FAM13C: variants seen among roughly 807,000 people sequenced by gnomAD.
FAM13C encodes the protein protein FAM13C.
FAM13C carries 37 observed loss-of-function variants against 73.2 expected under a neutral mutation model. The ratio of observed to expected loss-of-function variants is 0.51; its 90% confidence interval spans 0.39 to 0.67. The LOEUF (loss-of-function observed/expected upper bound fraction) is 0.67. Ranked by LOEUF, FAM13C falls within the 30% of genes least tolerant of loss-of-function variation. The pLI, the probability that FAM13C is intolerant of heterozygous loss-of-function variation, is 0.00. For missense variants in FAM13C, 589 were observed against 715.6 expected, an observed-to-expected ratio of 0.82 and a Z score of 2.02; for synonymous variants, 246 against 260.9, an observed-to-expected ratio of 0.94 and a Z score of 0.55.
intron 4 of FAM13C, among the ~76,000 whole-genome samples, chr10:59,318,523 C>T (rs1220885336): frequency 1.3e-5 from 2 of 152,224 alleles, no homozygotes; most frequent in East Asian, 3.9e-4. Context: ...AATCATTTGA[C>T]CCAAATTCCT....
chr10:59,269,575 A>G lies in FAM13C; in HGVS notation c.803+324T>C, dbSNP rs534153035. On this transcript the variant is annotated intron_variant, in intron 7 of 13. Transcript: ENST00000618804. ...GATGCTACCACTGGACATGGAAAGA[A>G]TATTGAGTTCATCAAGAATGATATG... 2.6e-5 allele frequency among the ~76,000 whole-genome samples: 4 copies of G among 152,316 alleles called. No individual in the cohort carries two copies. The South Asian group carries it at 8.3e-4, about 32-fold the overall frequency.
rs1359943253 is a variant in FAM13C at position 59,315,552 on chromosome 10, T to C, written c.443+8436A>G. Reference sequence around the variant, plus strand: ...TATTACAGAAGCTGGAGTTGTCTACTGGCATTCTGTGGGCTAGAGCCAAAG... The same window carrying C: ...TATTACAGAAGCTGGAGTTGTCTACCGGCATTCTGTGGGCTAGAGCCAAAG... On this transcript the variant is annotated intron_variant, in intron 4 of 13. Transcript: ENST00000618804. Among the ~76,000 whole-genome samples the C allele has an allele frequency of 2.6e-5, 4 of 152,172 alleles. No homozygotes were observed. The East Asian group carries it at 7.7e-4, about 29-fold the overall frequency.
At chr10:59,350,329 T>G (rs1299864765) in intron 3 of FAM13C, among the ~76,000 whole-genome samples, 1 of 152,176 alleles carries the variant, frequency 6.6e-6, no homozygotes, top group African/African-American at 2.4e-5. Flanking sequence ...AACTGTGTAA[T>G]TTCTGTGAGG....
At chr10:59,250,079 T>C (rs1841220755) in intron 13 of FAM13C, among the ~76,000 whole-genome samples, 1 of 152,196 alleles carries the variant, frequency 6.6e-6, no homozygotes, top group South Asian at 2.1e-4. Flanking sequence ...TTCTCATATG[T>C]AATGACTGTT....
In FAM13C at chr10:59,352,463, T is replaced by C. The variant is rs752579287; in HGVS notation, c.131A>G (p.Asn44Ser). 3.2e-5 allele frequency: 52 copies of C among 1,607,892 alleles called. No homozygotes were observed. Among genetic ancestry groups the C allele is most frequent in the Non-Finnish European group, 4.2e-5 (50 of 1,177,590 alleles). ...TDCSSLRDEN[N>S]KENYPDAGAL... ...CCCTGCGTCGGGGTAGTTCTCTTTA[T>C]TGTTTTCATCTCTAAAACAGGAAAG... The change falls in exon 3 of 14, where the codon AAT becomes AGT. Residue 44 changes from asparagine (N) to serine (S), a missense_variant. Coordinates refer to ENST00000618804, the MANE Select transcript of FAM13C (RefSeq NM_198215.4).
chr10:59,307,987 T>G (rs1848454578), intron 4 of FAM13C, among the ~76,000 whole-genome samples: 1 of 152,176 alleles, frequency 6.6e-6, no homozygotes, highest in Non-Finnish European at 1.5e-5. Context: ...TTAAGATCCT[T>G]AACGATACTG....
intron 13 of FAM13C, 76 bp downstream of exon 13, chr10:59,251,499 C>CA: frequency 7.6e-7 from 1 of 1,314,524 alleles, no homozygotes; most frequent in Non-Finnish European, 1.1e-6. Flanking sequence ...ACCGTTCCTG[C>CA]AAAAAATTGC....
chr10:59,333,944 G>A (rs1852368477), intron 3 of FAM13C, among the ~76,000 whole-genome samples: 1 of 152,156 alleles, frequency 6.6e-6, no homozygotes, highest in Admixed American at 6.5e-5. Flanking sequence ...CAACTGTTCT[G>A]ACAAAATGTG....
chr10:59,280,573 G>A (rs934828625), intron 6 of FAM13C, among the ~76,000 whole-genome samples: 2 of 152,170 alleles, frequency 1.3e-5, no homozygotes, highest in Non-Finnish European at 2.9e-5. Context: ...ATTCAGGAGG[G>A]TTTATGAAAC....
intron 4 of FAM13C, among the ~76,000 whole-genome samples, chr10:59,305,796 C>T (rs1848184034): frequency 6.6e-6 from 1 of 152,232 alleles, no homozygotes; most frequent in African/African-American, 2.4e-5. Flanking sequence ...CTCCCAACCA[C>T]AAGCTCAGGC....
intron 6 of FAM13C, among the ~76,000 whole-genome samples, chr10:59,274,793 C>T (rs529895368): frequency 6.6e-6 from 1 of 152,330 alleles, no homozygotes; most frequent in Non-Finnish European, 1.5e-5. Flanking sequence ...ATCTTTTACT[C>T]TCCCTATGTC....
intron 1 of FAM13C, chr10:59,361,167 G>A: frequency 5.2e-6 from 6 of 1,153,322 alleles, no homozygotes; most frequent in African/African-American, 1.6e-5. Context: ...AACAGAATGT[G>A]GGTCCAAATG....
intron 4 of FAM13C, among the ~76,000 whole-genome samples, chr10:59,310,452 T>C (rs1221902673): frequency 6.6e-6 from 1 of 152,096 alleles, no homozygotes; most frequent in Non-Finnish European, 1.5e-5. Flanking sequence ...TACCAGTAAA[T>C]AGAAAGTTCC....
intron 8 of FAM13C, among the ~76,000 whole-genome samples, chr10:59,268,224 A>G (rs1024948710): frequency 1.4e-5 from 2 of 141,474 alleles, no homozygotes; most frequent in South Asian, 2.3e-4. Flanking sequence ...AAGAAAAAAG[A>G]AAAAGAAGAA....
At chr10:59,314,331 T>C (rs1849278124) in intron 4 of FAM13C, among the ~76,000 whole-genome samples, 1 of 152,200 alleles carries the variant, frequency 6.6e-6, no homozygotes, top group Admixed American at 6.5e-5. Flanking sequence ...AAGCTGAACA[T>C]GCAGTTCATT....
intron 13 of FAM13C, among the ~76,000 whole-genome samples, chr10:59,249,637 A>G (rs978360343): frequency 3.3e-5 from 5 of 152,162 alleles, no homozygotes; most frequent in African/African-American, 9.7e-5. Context: ...ATCCATTTGC[A>G]TGGTTATTTT....
intron 6 of FAM13C, among the ~76,000 whole-genome samples, chr10:59,271,393 A>T (rs2133572237): frequency 1.3e-5 from 2 of 152,328 alleles, no homozygotes; most frequent in Admixed American, 1.3e-4. Context: ...CTGTGTTTTC[A>T]GCTGGCTTCT....
At position 59,280,967 on chromosome 10, in the gene FAM13C, C is replaced by G. The variant is rs115407913; in HGVS notation, c.592+2396G>C. On this transcript the variant is annotated intron_variant, in intron 6 of 13. Transcript: ENST00000618804. Reference sequence around the variant, plus strand: ...TCTTATGAAAATCACTTGTTCATATCACATGTTCAAATCCGTGTTCAAAAT... The same window carrying G: ...TCTTATGAAAATCACTTGTTCATATGACATGTTCAAATCCGTGTTCAAAAT... Among the ~76,000 whole-genome samples the G allele has an allele frequency of 9.4e-3, 1,437 of 152,282 alleles. 5 individuals carry two copies. The highest frequency in any genetic ancestry group is 0.021 in the Admixed American group (318 of 15,290).
intron 4 of FAM13C, among the ~76,000 whole-genome samples, chr10:59,303,593 G>C (rs1847852161): frequency 6.6e-6 from 1 of 152,060 alleles, no homozygotes. Context: ...TATATGCTGG[G>C]TACCATGGTG....
Sources: gnomAD v4.1 joint callset for allele counts (sites outside exome capture counted in the v4.1 genomes callset) on GRCh38, gnomAD v4.1.1 for gene constraint, MANE v1.5 for transcripts, NCBI Gene and HGNC (gene_info 2026-07-23, HGNC 2026-07-21) for gene names.